HSPA12A: variants seen among roughly 807,000 people sequenced by gnomAD.
HSPA12A encodes heat shock protein family A (Hsp70) member 12A, also known as heat shock 70 kDa protein 12A.
HSPA12A carries 28 observed loss-of-function variants against 69.2 expected under a neutral mutation model. That is an observed-to-expected ratio of 0.40 (90% CI 0.30 to 0.55). The LOEUF is 0.55. Ranked by LOEUF, HSPA12A falls within the 20% of genes least tolerant of loss-of-function variation. HSPA12A has a pLI of 0.38. For missense variants in HSPA12A, 686 were observed against 900.7 expected (o/e 0.76, Z 3.05); for synonymous variants, 345 against 370.5 (o/e 0.93, Z 0.79).
Position 116,673,887 on chromosome 10 carries a change from C to G in HSPA12A, c.*894G>C, listed in dbSNP as rs1849153766. ...TCTGTCTGCTTTTCAAGGTGAGGGGCTCTTCTGGATGTCTGGTCTTGGTGA... is the reference window on the plus strand; with the variant it reads ...TCTGTCTGCTTTTCAAGGTGAGGGGGTCTTCTGGATGTCTGGTCTTGGTGA... On this transcript the variant is annotated 3_prime_UTR_variant, in exon 12 of 12. Transcript: ENST00000369209. 6.6e-6 allele frequency: 1 copy of G among 152,074 alleles called. No homozygotes were observed. Among genetic ancestry groups the G allele is most frequent in the Non-Finnish European group, 1.5e-5 (1 of 68,024 alleles). The allele number at this position is 152,074 out of a possible 1,614,324, so 9.4% of individuals were successfully genotyped here.
rs1849569161 is a variant in HSPA12A at position 116,686,112 on chromosome 10, C to A, written c.664-2150G>T. ...GCCCCCTATTCAAGCAAGTAAAAGT[C>A]CCCCCTCCCCAGCTTCACTCTCACA... On this transcript the variant is annotated intron_variant, in intron 6 of 11. Transcript: ENST00000369209. The surrounding 1 kb of genome is among the most constrained non-coding windows in gnomAD (Gnocchi z 4.1). Among the ~76,000 whole-genome samples the A allele has an allele frequency of 6.6e-6, 1 of 152,098 alleles. No individual in the cohort carries two copies. The highest frequency in any genetic ancestry group is 2.4e-5 in the African/African-American group (1 of 41,414).
At chr10:116,840,178 ATC>A (rs1370697821) in intron 1 of HSPA12A, among the ~76,000 whole-genome samples, 2 of 152,208 alleles carry the variant, frequency 1.3e-5, no homozygotes, top group Admixed American at 6.5e-5. Flanking sequence ...ACTTACAATT[ATC>A]TCTGAAAAAG....
chr10:116,722,415 C>T lies in HSPA12A; in HGVS notation c.41-15130G>A, dbSNP rs185970074. ...CTCCAACCAACCCTTGTCTCCCTGC[C>T]TCTCGCTCTCTCTCCACAGACCTAG... On this transcript the variant is annotated intron_variant, in intron 1 of 11. Coordinates refer to ENST00000369209, the MANE Select transcript of HSPA12A (RefSeq NM_025015.3). 2.6e-5 allele frequency among the ~76,000 whole-genome samples: 4 copies of T among 152,326 alleles called. No individual in the cohort carries two copies. The East Asian group carries it at 7.7e-4, about 29-fold the overall frequency.
chr10:116,758,753 A>G, intron 2 of HSPA12A, among the ~76,000 whole-genome samples: 1 of 152,192 alleles, frequency 6.6e-6, no homozygotes, highest in East Asian at 1.9e-4. Context: ...ACAGATAGCA[A>G]CACACAGAGC....
intron 2 of HSPA12A, chr10:116,831,384 C>T (rs997858778): frequency 1.3e-5 from 2 of 152,136 alleles, no homozygotes; most frequent in African/African-American, 4.8e-5. Context: ...GGCATTTATT[C>T]CAAGGATAAG....
chr10:116,785,772 T>G (rs1022060038), intron 2 of HSPA12A, among the ~76,000 whole-genome samples: 32 of 152,116 alleles, frequency 2.1e-4, no homozygotes, highest in Admixed American at 1.9e-3. Context: ...GTCTCAGCCA[T>G]CCACCGGTTA....
At chr10:116,731,156 C>T (rs1468890071) in intron 1 of HSPA12A, among the ~76,000 whole-genome samples, 1 of 152,202 alleles carries the variant, frequency 6.6e-6, no homozygotes, top group Non-Finnish European at 1.5e-5. Context: ...CAGAACGGGC[C>T]CCTGACCATG....
intron 11 of HSPA12A, 54 bp downstream of exon 11, chr10:116,676,345 C>G: frequency 7.1e-7 from 1 of 1,417,956 alleles, no homozygotes; most frequent in Non-Finnish European, 9.9e-7. Context: ...TGGGAAAGCC[C>G]ATCCCCTTTC....
At position 116,686,878 on chromosome 10, in the gene HSPA12A, G is replaced by A. The variant is rs571396248; in HGVS notation, c.664-2916C>T. 7.3e-4 allele frequency among the ~76,000 whole-genome samples: 88 copies of A among 121,176 alleles called. No individual in the cohort carries two copies. The South Asian group carries it at 0.011, about 16-fold the overall frequency. The allele number at this position is 121,176 out of a possible 152,430, so 79.5% of individuals were successfully genotyped here. On this transcript the variant is annotated intron_variant, in intron 6 of 11. Coordinates refer to ENST00000369209, the MANE Select transcript of HSPA12A (RefSeq NM_025015.3). The surrounding 1 kb of genome is among the most constrained non-coding windows in gnomAD (Gnocchi z 4.1). ...TCCCTCTTCCCACACCATAAGCTCC[G>A]CCCCTCATCCCTCTTCCCACACTGT...
At chr10:116,691,203 G>A (rs1554880121) in intron 6 of HSPA12A, among the ~76,000 whole-genome samples, 1 of 152,204 alleles carries the variant, frequency 6.6e-6, no homozygotes, top group Non-Finnish European at 1.5e-5. Context: ...GAGTGCAGGG[G>A]AAGCAGCCTG....
At chr10:116,801,227 A>C (rs754140253) in intron 2 of HSPA12A, among the ~76,000 whole-genome samples, 1 of 152,256 alleles carries the variant, frequency 6.6e-6, no homozygotes, top group Non-Finnish European at 1.5e-5. Flanking sequence ...GTAAAAATAC[A>C]TAGGCAGCAC....
intron 2 of HSPA12A, among the ~76,000 whole-genome samples, chr10:116,780,451 G>A (rs1407835684): frequency 2.6e-5 from 4 of 151,872 alleles, no homozygotes; most frequent in Non-Finnish European, 5.9e-5. Context: ...TCCCACACTC[G>A]AGTGATCCTC....
At chr10:116,844,160 G>A (rs541317338) in intron 1 of HSPA12A, among the ~76,000 whole-genome samples, 1 of 152,276 alleles carries the variant, frequency 6.6e-6, no homozygotes, top group South Asian at 2.1e-4. Context: ...CCTAGACCTG[G>A]ATCAAATTCC....
At chr10:116,783,377 T>G (rs1401566756) in intron 2 of HSPA12A, among the ~76,000 whole-genome samples, 8 of 152,028 alleles carry the variant, frequency 5.3e-5, no homozygotes, top group Non-Finnish European at 1.0e-4. Context: ...CGGGGCACAG[T>G]GAGTGGGAAG....
rs71013609 is a variant in HSPA12A, at chr10:116,696,002, CAAAAA to C, written c.546+2628_546+2632del. 7.6e-4 allele frequency among the ~76,000 whole-genome samples: 25 copies of C among 32,724 alleles called. 2 individuals are homozygous for C. The highest frequency in any genetic ancestry group is 1.7e-3 in the Admixed American group (4 of 2,396). The allele number at this position is 32,724 out of a possible 152,430, so 21.5% of individuals were successfully genotyped here. ...TGGGCAACAGAGAGAGACTCCATCT[CAAAAA>C]AAAAAAAAAAAAAAAAGGCTTGCAG... On this transcript the variant is annotated intron_variant, in intron 5 of 11. Coordinates refer to ENST00000369209, the MANE Select transcript of HSPA12A (RefSeq NM_025015.3).
In HSPA12A at chr10:116,713,812, T is replaced by G. The variant is rs149575726; in HGVS notation, c.41-6527A>C. Among the ~76,000 whole-genome samples, 7 of 152,256 alleles carry G rather than the reference T, an allele frequency of 4.6e-5. No homozygotes were observed. In the East Asian group the frequency reaches 1.4e-3, roughly 29 times the overall value. On this transcript the variant is annotated intron_variant, in intron 1 of 11. Coordinates refer to ENST00000369209, the MANE Select transcript of HSPA12A (RefSeq NM_025015.3). ...TTTTCATGAATTACACTCCTCAACC[T>G]TACAGCCCTTCCCTCCAGCATCCAG... is the stretch of plus-strand genomic sequence containing the variant.
intron 2 of HSPA12A, among the ~76,000 whole-genome samples, chr10:116,804,411 T>C (rs1845025508): frequency 6.6e-6 from 1 of 152,092 alleles, no homozygotes; most frequent in Non-Finnish European, 1.5e-5. Context: ...TGCAGCGTCC[T>C]ATGGGGCTCA....
At chr10:116,687,428 C>T (rs1849607406) in intron 6 of HSPA12A, among the ~76,000 whole-genome samples, 1 of 152,118 alleles carries the variant, frequency 6.6e-6, no homozygotes, top group Admixed American at 6.5e-5. Context: ...GGGCCGTGTC[C>T]TACCTGCAAA....
chr10:116,813,415 T>G (rs748131088), intron 2 of HSPA12A, among the ~76,000 whole-genome samples: 18 of 151,560 alleles, frequency 1.2e-4, no homozygotes, highest in Non-Finnish European at 2.9e-5. Flanking sequence ...CCCGGCTAAT[T>G]TTTTTGTATT....
Sources: gnomAD v4.1 joint callset for allele counts (sites outside exome capture counted in the v4.1 genomes callset) on GRCh38, gnomAD v4.1.1 for gene constraint, Gnocchi (gnomAD v3.1) non-coding constraint, MANE v1.5 for transcripts, NCBI Gene and HGNC (gene_info 2026-07-23, HGNC 2026-07-21) for gene names.